The following SPOPL variants were observed in gnomAD, a reference collection of about 807,000 sequenced individuals.
The protein encoded by SPOPL is speckle type BTB/POZ protein like, also known as speckle-type POZ protein-like.
A neutral mutation model predicts 53.8 loss-of-function variants in SPOPL; 23 were observed. The ratio of observed to expected loss-of-function variants is 0.43; its 90% CI spans 0.31 to 0.61. SPOPL has a LOEUF of 0.61. Among genes scored for constraint, SPOPL ranks in the 20% least tolerant of loss-of-function variants. The probability of loss-of-function intolerance (pLI) is 0.12; values close to 1 mark genes in which losing one functional copy is unlikely to be tolerated. For missense variants in SPOPL, 442 were observed against 466.9 expected, an observed-to-expected ratio of 0.95 and a Z score of 0.49; for synonymous variants, 164 against 149.7, an observed-to-expected ratio of 1.10 and a Z score of -0.70.
At chr2:138,538,872 A>G (rs560627281) in intron 1 of SPOPL, among the ~76,000 whole-genome samples, 3 of 152,058 alleles carry the variant, frequency 2.0e-5, no homozygotes, top group African/African-American at 7.2e-5. Flanking sequence ...AACATTAGGA[A>G]TATCTCCTAA....
chr2:138,526,846 C>T (rs555328975), intron 1 of SPOPL, among the ~76,000 whole-genome samples: 21 of 152,028 alleles, frequency 1.4e-4, no homozygotes, highest in Admixed American at 1.3e-3. Context: ...TCTATCTCAG[C>T]CTCCCAAGTA....
chr2:138,523,101 A>G (rs748559584), intron 1 of SPOPL, among the ~76,000 whole-genome samples: 2 of 152,224 alleles, frequency 1.3e-5, no homozygotes, highest in Non-Finnish European at 2.9e-5. Context: ...CACACTGCCT[A>G]TAAAGACATA....
chr2:138,542,008 A>C (rs1237760741), intron 1 of SPOPL, among the ~76,000 whole-genome samples: 3 of 152,098 alleles, frequency 2.0e-5, no homozygotes, highest in South Asian at 2.1e-4. Context: ...AGTAGTCATT[A>C]AGGAGCAGGT....
At chr2:138,521,995 A>T in intron 1 of SPOPL, among the ~76,000 whole-genome samples, 1 of 152,156 alleles carries the variant, frequency 6.6e-6, no homozygotes, top group African/African-American at 2.4e-5. Context: ...ACTAGAACAG[A>T]GGTTCTTAGT....
At position 138,569,067 on chromosome 2, in the gene SPOPL, T is replaced by G; in HGVS notation, c.1166T>G (p.Leu389Arg). The G allele has an allele frequency of 6.2e-7, 1 of 1,613,148 alleles. No individual in the cohort carries two copies. The highest frequency in any genetic ancestry group is 1.1e-5 in the South Asian group (1 of 90,938). The change falls in exon 11 of 11, where the codon CTA (leucine) becomes CGA (arginine). Residue 389 changes from leucine to arginine, a missense_variant. Transcript: ENST00000280098. Reference protein sequence around the residue: ...CPQFGIPRKRLKQS With the variant: ...CPQFGIPRKRRKQS ...CAGTTTGGCATTCCACGCAAACGGC[T>G]AAAACAGTCCTGAAATCTTCCATGA...
At chr2:138,560,278 C>G (rs917551357) in intron 7 of SPOPL, among the ~76,000 whole-genome samples, 1 of 152,044 alleles carries the variant, frequency 6.6e-6, no homozygotes, top group Non-Finnish European at 1.5e-5. Context: ...CCTTGCCCTA[C>G]TTTTGCTTAA....
rs574527070 is a variant in SPOPL at position 138,502,328 on chromosome 2, G to A, written c.-61+209G>A. Among the ~76,000 whole-genome samples, 79 of 152,340 alleles carry A rather than the reference G, an allele frequency of 5.2e-4. 1 individual carries two copies. The highest frequency in any genetic ancestry group is 1.8e-3 in the African/African-American group (74 of 41,598). On this transcript the variant is annotated intron_variant, in intron 1 of 10. Coordinates refer to ENST00000280098, the MANE Select transcript of SPOPL (RefSeq NM_001001664.3). Reference sequence around the variant, plus strand: ...CGGACCGCCCTTCCCTCGCGCGGCGGCACCACTTTCCCCGGGGTTGCCCCC... The same window carrying A: ...CGGACCGCCCTTCCCTCGCGCGGCGACACCACTTTCCCCGGGGTTGCCCCC...
chr2:138,523,526 C>T (rs1684602790), intron 1 of SPOPL, among the ~76,000 whole-genome samples: 1 of 152,104 alleles, frequency 6.6e-6, no homozygotes, highest in Non-Finnish European at 1.5e-5. Context: ...CTCAAAAGTC[C>T]ACAGTCCAAA....
At chr2:138,522,101 G>T (rs1684571716) in intron 1 of SPOPL, among the ~76,000 whole-genome samples, 1 of 152,148 alleles carries the variant, frequency 6.6e-6, no homozygotes. Flanking sequence ...TTGAAGCCCA[G>T]CATTTTGTTT....
chr2:138,508,607 A>T (rs898199599), intron 1 of SPOPL, among the ~76,000 whole-genome samples: 1 of 152,186 alleles, frequency 6.6e-6, no homozygotes, highest in African/African-American at 2.4e-5. Flanking sequence ...CTGGGATTAT[A>T]GGCTGAGCCA....
intron 1 of SPOPL, among the ~76,000 whole-genome samples, chr2:138,527,093 T>C (rs917486642): frequency 3.3e-5 from 5 of 152,174 alleles, no homozygotes; most frequent in African/African-American, 1.2e-4. Context: ...TAATACAGTA[T>C]TCAGATTTTA....
chr2:138,538,898 C>T (rs1342862523), intron 1 of SPOPL, among the ~76,000 whole-genome samples: 3 of 152,244 alleles, frequency 2.0e-5, no homozygotes, highest in Admixed American at 2.0e-4. Flanking sequence ...TCCCTCCCCA[C>T]TCTCCCCACC....
chr2:138,506,864 A>T (rs149582901), intron 1 of SPOPL, among the ~76,000 whole-genome samples: 1 of 152,220 alleles, frequency 6.6e-6, no homozygotes, highest in Non-Finnish European at 1.5e-5. Flanking sequence ...TTAAGGAGAT[A>T]GTATGGAGAA....
chr2:138,537,561 T>C (rs1469261923), intron 1 of SPOPL, among the ~76,000 whole-genome samples: 2 of 152,202 alleles, frequency 1.3e-5, no homozygotes, highest in African/African-American at 4.8e-5. Flanking sequence ...ACTTCTTTTT[T>C]CTTTGGAGGC....
chr2:138,522,990 G>A (rs1193507441), intron 1 of SPOPL, among the ~76,000 whole-genome samples: 1 of 152,136 alleles, frequency 6.6e-6, no homozygotes, highest in Non-Finnish European at 1.5e-5. Flanking sequence ...ATAAACTAGA[G>A]ATGATATTAT....
intron 5 of SPOPL, among the ~76,000 whole-genome samples, chr2:138,556,035 A>C (rs889069930): frequency 6.6e-6 from 1 of 152,150 alleles, no homozygotes; most frequent in Non-Finnish European, 1.5e-5. Context: ...ACATTTTCTT[A>C]AATATAGGTG....
At chr2:138,515,992 A>C (rs190408921) in intron 1 of SPOPL, among the ~76,000 whole-genome samples, 11 of 152,324 alleles carry the variant, frequency 7.2e-5, no homozygotes, top group Admixed American at 7.2e-4. Flanking sequence ...CTAAGATGTC[A>C]TTCATTATTT....
chr2:138,537,552 C>G (rs1406534911), intron 1 of SPOPL, among the ~76,000 whole-genome samples: 1 of 152,164 alleles, frequency 6.6e-6, no homozygotes, highest in African/African-American at 2.4e-5. Flanking sequence ...TTAGTTTTTA[C>G]TTCTTTTTTC....
intron 5 of SPOPL, 65 bp downstream of exon 5, chr2:138,552,746 G>T: frequency 6.7e-7 from 1 of 1,499,812 alleles, no homozygotes; most frequent in Non-Finnish European, 9.0e-7. Flanking sequence ...AGTATAAACT[G>T]GATTAATAAC....
Sources: gnomAD v4.1 joint callset for allele counts (sites outside exome capture counted in the v4.1 genomes callset) on GRCh38, gnomAD v4.1.1 for gene constraint, MANE v1.5 for transcripts, NCBI Gene and HGNC (gene_info 2026-07-23, HGNC 2026-07-21) for gene names.